The following CTNNA3 variants were observed in gnomAD, a reference collection of about 807,000 sequenced individuals.
The protein encoded by CTNNA3 is catenin alpha 3, also known as catenin alpha-3.
A neutral mutation model predicts 95.7 loss-of-function variants in CTNNA3; 76 were observed. The observed-to-expected ratio is 0.79, with a 90% CI of 0.66 to 0.96. The LOEUF (loss-of-function observed/expected upper bound fraction) is 0.96. Ranked by LOEUF, CTNNA3 falls within the 40% of genes least tolerant of loss-of-function variation. CTNNA3 has a pLI of 0.00. For synonymous variants in CTNNA3, 431 were observed against 374.4 expected (o/e 1.15, Z -1.74); for missense variants, 1,191 against 1,089.8 (o/e 1.09, Z -1.31).
At chr10:65,921,096 C>T (rs150816344) in intron 17 of CTNNA3, among the ~76,000 whole-genome samples, 80 of 152,252 alleles carry the variant, frequency 5.3e-4, no homozygotes, top group Middle Eastern at 3.4e-3. Flanking sequence ...CTCTTCTGTG[C>T]TTTGTGGTAT....
chr10:67,620,950 T>TATATATATATATATATATAC (rs1491566283), intron 2 of CTNNA3, among the ~76,000 whole-genome samples: 1 of 144,294 alleles, frequency 6.9e-6, no homozygotes, highest in African/African-American at 2.6e-5. Context: ...TATATATATA[T>TATATATATATATATATATAC]ACAGAAATGT....
intron 5 of CTNNA3, among the ~76,000 whole-genome samples, chr10:67,497,875 C>T (rs1265436301): frequency 3.9e-5 from 6 of 152,192 alleles, no homozygotes; most frequent in African/African-American, 1.4e-4. Flanking sequence ...TTCTCCCATT[C>T]AGTGGGTTGC....
At chr10:66,292,052 G>A (rs959821955) in intron 12 of CTNNA3, among the ~76,000 whole-genome samples, 1 of 148,282 alleles carries the variant, frequency 6.7e-6, no homozygotes, top group African/African-American at 2.5e-5. Flanking sequence ...ACCAAATTTG[G>A]TATATAAAAC....
chr10:67,716,871 G>A (rs1011220785), intron 1 of CTNNA3, among the ~76,000 whole-genome samples: 1 of 152,080 alleles, frequency 6.6e-6, no homozygotes, highest in African/African-American at 2.4e-5. Context: ...GGTATTTCTG[G>A]TTCTAGATCC....
At chr10:67,189,339 G>A (rs1215258562) in intron 6 of CTNNA3, among the ~76,000 whole-genome samples, 1 of 152,060 alleles carries the variant, frequency 6.6e-6, no homozygotes, top group African/African-American at 2.4e-5. Flanking sequence ...CAGGATTCAG[G>A]AGATGCTGGT....
intron 13 of CTNNA3, among the ~76,000 whole-genome samples, chr10:66,194,867 T>A (rs1268053974): frequency 6.6e-6 from 1 of 152,176 alleles, no homozygotes; most frequent in East Asian, 1.9e-4. Context: ...TATCCTGCCT[T>A]TTCCCCACCA....
chr10:67,404,063 A>T (rs1463764228), intron 5 of CTNNA3, among the ~76,000 whole-genome samples: 8 of 152,216 alleles, frequency 5.3e-5, no homozygotes, highest in Admixed American at 5.2e-4. Flanking sequence ...ACAACCTCAA[A>T]GATCAAAGGT....
intron 5 of CTNNA3, among the ~76,000 whole-genome samples, chr10:67,491,232 T>C (rs1848637467): frequency 6.6e-6 from 1 of 152,180 alleles, no homozygotes; most frequent in Admixed American, 6.5e-5. Flanking sequence ...GAAATAAGAA[T>C]ATAGATATAC....
intron 5 of CTNNA3, among the ~76,000 whole-genome samples, chr10:67,346,091 A>T (rs1247566330): frequency 1.3e-5 from 2 of 152,190 alleles, no homozygotes; most frequent in Non-Finnish European, 2.9e-5. Context: ...GTTTGTAGAA[A>T]GAAAGAAACA....
chr10:66,681,217 T>A (rs1429765875), intron 9 of CTNNA3, among the ~76,000 whole-genome samples: 1 of 152,148 alleles, frequency 6.6e-6, no homozygotes, highest in East Asian at 1.9e-4. Context: ...AGAGAAATTG[T>A]TTCTGGTCCT....
intron 6 of CTNNA3, among the ~76,000 whole-genome samples, chr10:67,193,936 T>G (rs1863234298): frequency 6.6e-6 from 1 of 152,110 alleles, no homozygotes. Flanking sequence ...ACTAGCTGTG[T>G]ATAAGTGTTC....
chr10:66,858,791 G>A (rs1472470555), intron 7 of CTNNA3, among the ~76,000 whole-genome samples: 1 of 151,512 alleles, frequency 6.6e-6, no homozygotes, highest in Non-Finnish European at 1.5e-5. Context: ...TTCTTTATTA[G>A]TATAGCTAGT....
chr10:66,610,503 A>G (rs948103948), intron 10 of CTNNA3, among the ~76,000 whole-genome samples: 2 of 152,180 alleles, frequency 1.3e-5, no homozygotes, highest in African/African-American at 2.4e-5. Flanking sequence ...AGACCTGAAT[A>G]AACATTTCTC....
At chr10:67,126,911 T>TGGGA (rs34138538) in intron 7 of CTNNA3, among the ~76,000 whole-genome samples, 16,596 of 152,146 alleles carry the variant, frequency 0.11, 1,067 homozygotes, top group African/African-American at 0.18. Context: ...ATGCACTGTT[T>TGGGA]GGGAGTTTTC....
intron 5 of CTNNA3, among the ~76,000 whole-genome samples, chr10:67,404,404 C>A (rs1211151215): frequency 1.3e-5 from 2 of 151,520 alleles, no homozygotes. Context: ...AAGAACTTCA[C>A]GATGCAATCA....
At chr10:67,571,550 A>G (rs556589511) in intron 3 of CTNNA3, among the ~76,000 whole-genome samples, 2 of 152,292 alleles carry the variant, frequency 1.3e-5, no homozygotes, top group African/African-American at 4.8e-5. Context: ...TTCTCAGTCA[A>G]CATTCTTAAA....
rs536315461 is a variant in CTNNA3 at position 66,662,577 on chromosome 10, C to T, written c.1282-40793G>A. Among the ~76,000 whole-genome samples the T allele has an allele frequency of 2.6e-5, 4 of 152,200 alleles. No homozygotes were observed. The South Asian group carries it at 8.3e-4, about 32-fold the overall frequency. ...ATCTATTCACTCTCTCAGTCTATGC[C>T]CATGGCCTTCCTTCCTCTGTCCTTT... On this transcript the variant is annotated intron_variant, in intron 9 of 17. Coordinates refer to ENST00000433211, the MANE Select transcript of CTNNA3 (RefSeq NM_013266.4).
intron 5 of CTNNA3, among the ~76,000 whole-genome samples, chr10:67,386,146 A>G (rs1289569843): frequency 6.6e-6 from 1 of 152,228 alleles, no homozygotes; most frequent in African/African-American, 2.4e-5. Context: ...TAAATTAGGT[A>G]TAGGGTTAGA....
At chr10:67,457,855 G>A (rs960898657) in intron 5 of CTNNA3, among the ~76,000 whole-genome samples, 1 of 152,070 alleles carries the variant, frequency 6.6e-6, no homozygotes, top group African/African-American at 2.4e-5. Flanking sequence ...AAAGATCCTT[G>A]TGATTACACC....
Sources: allele counts gnomAD v4.1 joint callset (sites outside exome capture counted in the v4.1 genomes callset), GRCh38; gene constraint gnomAD v4.1.1; transcripts MANE v1.5; gene names NCBI Gene and HGNC (gene_info 2026-07-23, HGNC 2026-07-21).